FBN2: variants seen among roughly 807,000 people sequenced by gnomAD.
The protein encoded by FBN2 is fibrillin 2.
A neutral mutation model predicts 355.6 loss-of-function variants in FBN2; 105 were observed. The ratio of observed to expected loss-of-function variants is 0.30; its 90% CI spans 0.25 to 0.35. The LOEUF (loss-of-function observed/expected upper bound fraction) is 0.35, where lower values mean the gene tolerates loss of function less well. Among genes scored for constraint, FBN2 ranks in the 10% least tolerant of loss-of-function variants. FBN2 has a pLI of 1.00. For missense variants in FBN2, 3,280 were observed against 3,758.7 expected (o/e 0.87, Z 3.33); for synonymous variants, 1,350 against 1,301.2 (o/e 1.04, Z -0.81).
chr5:128,304,823 G>C (rs980702337), intron 45 of FBN2, 134 bp downstream of exon 45: 3 of 1,119,156 alleles, frequency 2.7e-6, no homozygotes, highest in Admixed American at 1.8e-5. Context: ...GACTTAAATA[G>C]TTTGACCTAG....
chr5:128,376,891 T>C, intron 13 of FBN2, 38 bp from the exon 14 acceptor site: 2 of 1,610,558 alleles, frequency 1.2e-6, no homozygotes, highest in Non-Finnish European at 1.7e-6. Flanking sequence ...ACACTGGCCT[T>C]GAGGGAACCA....
chr5:128,296,751 G>C (rs1370123169), intron 48 of FBN2, among the ~76,000 whole-genome samples: 1 of 152,104 alleles, frequency 6.6e-6, no homozygotes, highest in Non-Finnish European at 1.5e-5. Context: ...AGTCTTGCTA[G>C]TGGTCTATCA....
intron 48 of FBN2, among the ~76,000 whole-genome samples, chr5:128,294,618 T>G (rs1279262813): frequency 6.7e-6 from 1 of 148,320 alleles, no homozygotes; most frequent in Non-Finnish European, 1.5e-5. Context: ...ATGTGTTTTT[T>G]GGCTGCATAA....
intron 55 of FBN2, among the ~76,000 whole-genome samples, chr5:128,282,689 G>T (rs975406065): frequency 6.6e-6 from 1 of 152,076 alleles, no homozygotes; most frequent in Non-Finnish European, 1.5e-5. Flanking sequence ...CTTTAATAGG[G>T]TGTATCTTGG....
At position 128,336,618 on chromosome 5, in the gene FBN2, GAC is replaced by G. The variant is rs1750849954; in HGVS notation, c.3599-507_3599-506del. Among the ~76,000 whole-genome samples, 9 of 152,324 alleles carry G rather than the reference GAC, an allele frequency of 5.9e-5. No homozygotes were observed. In the South Asian group the frequency reaches 1.7e-3, roughly 28 times the overall value. ...TGATGGAAGACTGATGGTTCCACAA[GAC>G]AGAGGCATGACAATAGGGCCCTCAT... On this transcript the variant is annotated intron_variant, in intron 27 of 64. Coordinates refer to ENST00000262464, the MANE Select transcript of FBN2 (RefSeq NM_001999.4).
chr5:128,300,782 C>T (rs1411752935), intron 48 of FBN2, 35 bp downstream of exon 48: 2 of 1,609,768 alleles, frequency 1.2e-6, no homozygotes, highest in South Asian at 2.2e-5. Context: ...CTATACTGAA[C>T]TACTAGTGGG....
At position 128,519,328 on chromosome 5, in the gene FBN2, G is replaced by T. The variant is rs370698125; in HGVS notation, c.573C>A (p.Ile191=). The stretch of plus-strand genomic sequence containing the variant: ...AAACACAAGCACAGCGGTTGGGTCC[G>T]ATGCAACGTCCACCATTCTGACATC... The part of the protein sequence containing the change: ...ENGCQNGGRC[I]GPNRCACVYG... Residue 191 remains isoleucine (I), a synonymous_variant, in exon 5 of 65, where the codon ATC becomes ATA. Coordinates refer to ENST00000262464, the MANE Select transcript of FBN2 (RefSeq NM_001999.4). The T allele has an allele frequency of 8.1e-6, 13 of 1,613,802 alleles. No individual in the cohort carries two copies. Among genetic ancestry groups the T allele is most frequent in the Non-Finnish European group, 8.5e-6 (10 of 1,179,950 alleles).
intron 61 of FBN2, among the ~76,000 whole-genome samples, chr5:128,272,645 C>T: frequency 6.6e-6 from 1 of 151,658 alleles, no homozygotes; most frequent in East Asian, 1.9e-4. Context: ...ATGCAAATCC[C>T]TCTTAAGTAT....
chr5:128,396,892 T>G (rs1280025175), intron 8 of FBN2, among the ~76,000 whole-genome samples: 1 of 152,222 alleles, frequency 6.6e-6, no homozygotes, highest in Non-Finnish European at 1.5e-5. Context: ...TAATTGCTTA[T>G]AATTCCATTA....
At position 128,318,931 on chromosome 5, in the gene FBN2, A is replaced by G; in HGVS notation, c.4542T>C (p.His1514=). 1 of 1,612,892 alleles carries G rather than the reference A, an allele frequency of 6.2e-7. No homozygotes were observed. Among genetic ancestry groups the G allele is most frequent in the Non-Finnish European group, 8.5e-7 (1 of 1,179,038 alleles). ...GTCNNLPGMF[H]CICDDGYELD... ...ATTCATAACCATCATCGCAGATGCA[A>G]TGAAACATTCCAGGCAGGTTATTAC... The change falls in exon 35 of 65, where the codon CAT becomes CAC. Residue 1514 remains histidine, a synonymous_variant. Coordinates refer to ENST00000262464, the MANE Select transcript of FBN2 (RefSeq NM_001999.4).
chr5:128,520,273 C>A (rs1014186390), intron 4 of FBN2, among the ~76,000 whole-genome samples: 2 of 152,158 alleles, frequency 1.3e-5, no homozygotes, highest in African/African-American at 4.8e-5. Flanking sequence ...TCTCTAGAAT[C>A]CTTGGAACCT....
chr5:128,338,154 A>T lies in FBN2; in HGVS notation c.3473-32T>A, dbSNP rs118058508. The T allele has an allele frequency of 3.7e-4, 601 of 1,610,370 alleles. 3 individuals carry two copies. The East Asian group carries it at 0.012, about 33-fold the overall frequency. Reference sequence around the variant, plus strand: ...GGTAAAAACGTGAGATCCATTAAAGAACTCTGAGGGAAAAATATTCACACA... The same window carrying T: ...GGTAAAAACGTGAGATCCATTAAAGTACTCTGAGGGAAAAATATTCACACA... On this transcript the variant is annotated intron_variant, in intron 26 of 64. Coordinates refer to ENST00000262464, the MANE Select transcript of FBN2 (RefSeq NM_001999.4).
chr5:128,345,171 C>T (rs1751140622), intron 24 of FBN2, among the ~76,000 whole-genome samples, 186 bp downstream of exon 24: 2 of 152,322 alleles, frequency 1.3e-5, no homozygotes, highest in East Asian at 3.9e-4. Flanking sequence ...TCTGTTTTAT[C>T]TCTTTACTTC....
Position 128,258,751 on chromosome 5 carries a change from T to C in FBN2, c.*704A>G, listed in dbSNP as rs1349081440. On this transcript the variant is annotated 3_prime_UTR_variant, in exon 65 of 65. Coordinates refer to ENST00000262464, the MANE Select transcript of FBN2 (RefSeq NM_001999.4). Reference sequence around the variant, plus strand: ...CTGTTGCCTGGTGTGTCTGGTGATATGAAATGTTGTCACAAATGAGCTGCT... The same window carrying C: ...CTGTTGCCTGGTGTGTCTGGTGATACGAAATGTTGTCACAAATGAGCTGCT... 2.6e-5 allele frequency: 4 copies of C among 152,876 alleles called. No homozygotes were observed. Among genetic ancestry groups the C allele is most frequent in the Admixed American group, 6.5e-5 (1 of 15,292 alleles). The allele number at this position is 152,876 out of a possible 1,614,324, so 9.5% of individuals were successfully genotyped here.
At chr5:128,319,866 T>C (rs1036669349) in intron 34 of FBN2, among the ~76,000 whole-genome samples, 1 of 152,226 alleles carries the variant, frequency 6.6e-6, no homozygotes, top group African/African-American at 2.4e-5. Flanking sequence ...AGGATGGATA[T>C]TTATGTATAT....
chr5:128,397,687 C>T (rs1032084521), intron 8 of FBN2, among the ~76,000 whole-genome samples: 1 of 152,138 alleles, frequency 6.6e-6, no homozygotes, highest in Non-Finnish European at 1.5e-5. Flanking sequence ...AAAAACACAT[C>T]ATCCAGCTCG....
At chr5:128,366,511 T>C in intron 16 of FBN2, 81 bp from the exon 17 acceptor site, 1 of 777,072 alleles carries the variant, frequency 1.3e-6, no homozygotes, top group East Asian at 2.7e-5. Context: ...ACTCCAAAAC[T>C]ACCATTAGGA....
intron 20 of FBN2, among the ~76,000 whole-genome samples, chr5:128,356,814 T>C (rs1159520217): frequency 6.6e-6 from 1 of 152,222 alleles, no homozygotes; most frequent in Admixed American, 6.5e-5. Flanking sequence ...CCAAAATTTA[T>C]GATTGATGGA....
chr5:128,469,496 G>A (rs866268640), intron 5 of FBN2, among the ~76,000 whole-genome samples: 96 of 140,854 alleles, frequency 6.8e-4, no homozygotes, highest in Middle Eastern at 4.1e-3. Context: ...GCACCACTGC[G>A]CTCCAGCCTG....
Sources: gnomAD v4.1 joint callset for allele counts (sites outside exome capture counted in the v4.1 genomes callset) on GRCh38, gnomAD v4.1.1 for gene constraint, MANE v1.5 for transcripts, NCBI Gene and HGNC (gene_info 2026-07-23, HGNC 2026-07-21) for gene names.